The following ST6GALNAC3 variants were observed in gnomAD, a reference collection of about 807,000 sequenced individuals.
The protein encoded by ST6GALNAC3 is ST6 N-acetylgalactosaminide alpha-2,6-sialyltransferase 3, also known as alpha-N-acetylgalactosaminide alpha-2,6-sialyltransferase 3.
Under a neutral mutation model 32.7 loss-of-function variants are expected in ST6GALNAC3, and 25 were observed. That is an observed-to-expected ratio of 0.76 (90% CI 0.56 to 1.07). ST6GALNAC3 has a LOEUF of 1.07. Ranked by LOEUF, ST6GALNAC3 falls within the 50% of genes least tolerant of loss-of-function variation. ST6GALNAC3 has a pLI of 0.00. For synonymous variants in ST6GALNAC3, 129 were observed against 133.1 expected (o/e 0.97, Z 0.21); for missense variants, 355 against 382.4 (o/e 0.93, Z 0.60).
At chr1:76,221,891 T>A (rs1037483429) in intron 1 of ST6GALNAC3, among the ~76,000 whole-genome samples, 1 of 152,148 alleles carries the variant, frequency 6.6e-6, no homozygotes, top group Non-Finnish European at 1.5e-5. Context: ...AAATATCCCC[T>A]GCAAAACTTT....
chr1:76,551,333 G>A (rs796691336), intron 3 of ST6GALNAC3, among the ~76,000 whole-genome samples: 12 of 152,274 alleles, frequency 7.9e-5, no homozygotes, highest in South Asian at 4.1e-4. Flanking sequence ...CTCCTTATCC[G>A]TAAACTTGAC....
At chr1:76,147,563 C>T (rs1650767750) in intron 1 of ST6GALNAC3, among the ~76,000 whole-genome samples, 2 of 152,252 alleles carry the variant, frequency 1.3e-5, no homozygotes, top group African/African-American at 4.8e-5. Context: ...GAGAACTTTA[C>T]CCCTCCCAAT....
chr1:76,332,223 C>T (rs891154187), intron 2 of ST6GALNAC3, among the ~76,000 whole-genome samples: 1 of 152,142 alleles, frequency 6.6e-6, no homozygotes, highest in Non-Finnish European at 1.5e-5. Flanking sequence ...GGAGCTGAAC[C>T]TGCTAGAATG....
At chr1:76,600,275 C>G (rs1450681198) in intron 3 of ST6GALNAC3, among the ~76,000 whole-genome samples, 1 of 152,146 alleles carries the variant, frequency 6.6e-6, no homozygotes, top group Non-Finnish European at 1.5e-5. Flanking sequence ...TCTCAGACTT[C>G]CAGCCTCCAG....
At chr1:76,153,687 A>T (rs771965961) in intron 1 of ST6GALNAC3, among the ~76,000 whole-genome samples, 1 of 152,192 alleles carries the variant, frequency 6.6e-6, no homozygotes, top group East Asian at 1.9e-4. Context: ...AGTTTTAAAC[A>T]TATCTATATT....
At chr1:76,369,748 C>A (rs1334895676) in intron 2 of ST6GALNAC3, among the ~76,000 whole-genome samples, 1 of 152,104 alleles carries the variant, frequency 6.6e-6, no homozygotes, top group Non-Finnish European at 1.5e-5. Flanking sequence ...CATAACAGTG[C>A]ATAACTTATG....
At chr1:76,385,844 TGTAA>T (rs1557843062) in intron 2 of ST6GALNAC3, among the ~76,000 whole-genome samples, 1 of 152,100 alleles carries the variant, frequency 6.6e-6, no homozygotes, top group African/African-American at 2.4e-5. Context: ...CATAAATTAG[TGTAA>T]GTGTTATTAA....
intron 2 of ST6GALNAC3, among the ~76,000 whole-genome samples, chr1:76,314,870 G>T (rs1396327316): frequency 6.6e-6 from 1 of 152,054 alleles, no homozygotes; most frequent in African/African-American, 2.4e-5. Context: ...CCATCGAAAG[G>T]TCATTTTGTA....
Position 76,628,858 on chromosome 1 carries a change from A to G in ST6GALNAC3, c.*52A>G, listed in dbSNP as rs1229265949. On this transcript the variant is annotated 3_prime_UTR_variant, in exon 5 of 5. Coordinates refer to ENST00000328299, the MANE Select transcript of ST6GALNAC3 (RefSeq NM_152996.4). ...CACTTAATGTGATCCCCATACTGCA[A>G]CTGTGATGCTGATGATGCTAATGGA... The G allele has an allele frequency of 3.1e-6, 5 of 1,592,390 alleles. No individual in the cohort carries two copies. Among genetic ancestry groups the G allele is most frequent in the African/African-American group, 2.7e-5 (2 of 73,188 alleles).
In ST6GALNAC3 at chr1:76,630,026, G is replaced by A. The variant is rs199647014; in HGVS notation, c.*1220G>A. The stretch of plus-strand genomic sequence containing the variant: ...AATGTCCAAAGTGCTTTGTCATTTA[G>A]AGTCCTTTAACATCTGTTATACCAT... On this transcript the variant is annotated 3_prime_UTR_variant, in exon 5 of 5. Coordinates refer to ENST00000328299, the MANE Select transcript of ST6GALNAC3 (RefSeq NM_152996.4). 7.6e-5 allele frequency: 75 copies of A among 985,142 alleles called. No homozygotes were observed. The African/African-American group carries it at 1.3e-3, about 17-fold the overall frequency. 61.0% of individuals were successfully genotyped at this position (985,142 alleles called of 1,614,324 possible). A position where few individuals can be genotyped will look rare whatever the true frequency, so the allele number is the denominator to read the frequency against.
intron 3 of ST6GALNAC3, among the ~76,000 whole-genome samples, chr1:76,547,459 T>G (rs1459894806): frequency 3.9e-5 from 6 of 152,214 alleles, no homozygotes; most frequent in Admixed American, 2.0e-4. Flanking sequence ...ATCCCAGTAT[T>G]GCAATTTACT....
chr1:76,210,449 A>G (rs951298371), intron 1 of ST6GALNAC3, among the ~76,000 whole-genome samples: 20 of 152,184 alleles, frequency 1.3e-4, no homozygotes, highest in Admixed American at 1.3e-3. Context: ...CCTTATCTAT[A>G]TTGAACCAAG....
intron 3 of ST6GALNAC3, among the ~76,000 whole-genome samples, chr1:76,515,336 C>T (rs923387588): frequency 1.3e-5 from 2 of 151,996 alleles, no homozygotes; most frequent in African/African-American, 4.8e-5. Flanking sequence ...TTTTCATAGA[C>T]TAGCTAAATG....
intron 1 of ST6GALNAC3, among the ~76,000 whole-genome samples, chr1:76,078,522 G>A (rs573345155): frequency 6.6e-6 from 1 of 152,242 alleles, no homozygotes; most frequent in East Asian, 1.9e-4. Context: ...TTTTAATTAT[G>A]GCTCCACTCC....
intron 2 of ST6GALNAC3, among the ~76,000 whole-genome samples, chr1:76,342,624 A>C (rs1374867729): frequency 6.6e-6 from 1 of 151,432 alleles, no homozygotes; most frequent in Non-Finnish European, 1.5e-5. Flanking sequence ...AGATGGATAG[A>C]TTGCAGAAAT....
At chr1:76,173,253 A>G (rs1254045678) in intron 1 of ST6GALNAC3, among the ~76,000 whole-genome samples, 1 of 152,262 alleles carries the variant, frequency 6.6e-6, no homozygotes, top group Non-Finnish European at 1.5e-5. Flanking sequence ...CCTATTCAGT[A>G]AATGGTGCTG....
At chr1:76,542,042 G>T (rs774684509) in intron 3 of ST6GALNAC3, among the ~76,000 whole-genome samples, 1 of 152,090 alleles carries the variant, frequency 6.6e-6, no homozygotes, top group African/African-American at 2.4e-5. Context: ...AGAAGTAAAG[G>T]CTAAGCCATT....
At chr1:76,579,412 A>G (rs1450709740) in intron 3 of ST6GALNAC3, among the ~76,000 whole-genome samples, 1 of 152,050 alleles carries the variant, frequency 6.6e-6, no homozygotes, top group African/African-American at 2.4e-5. Context: ...AGATAAAAAC[A>G]TAGTTTTTAT....
chr1:76,121,420 TA>T (rs1648862810), intron 1 of ST6GALNAC3, among the ~76,000 whole-genome samples: 1 of 152,070 alleles, frequency 6.6e-6, no homozygotes, highest in Non-Finnish European at 1.5e-5. Context: ...AGCAGCACAT[TA>T]AAAATGTGGG....
Sources: allele counts gnomAD v4.1 joint callset (sites outside exome capture counted in the v4.1 genomes callset), GRCh38; gene constraint gnomAD v4.1.1; transcripts MANE v1.5; gene names NCBI Gene and HGNC (gene_info 2026-07-23, HGNC 2026-07-21).